IGF2BP1: variants seen among roughly 807,000 people sequenced by gnomAD.
IGF2BP1 encodes insulin like growth factor 2 mRNA binding protein 1.
In IGF2BP1, 11 loss-of-function variants were observed where a neutral mutation model predicts 74.9. That is an observed-to-expected ratio of 0.15 (90% confidence interval 0.09 to 0.24). The LOEUF is 0.24. Ranked by LOEUF, IGF2BP1 falls within the 10% of genes least tolerant of loss-of-function variation. The pLI, the probability that IGF2BP1 is intolerant of heterozygous loss-of-function variation, is 1.00. For missense variants in IGF2BP1, 440 were observed against 757.4 expected (o/e 0.58, Z 4.92); for synonymous variants, 287 against 281.8 (o/e 1.02, Z -0.18).
intron 5 of IGF2BP1, 31 bp downstream of exon 5, chr17:49,032,004 G>A (rs763860913): frequency 7.8e-6 from 12 of 1,534,176 alleles, no homozygotes; most frequent in South Asian, 2.2e-5. Flanking sequence ...GGCTGGGTGC[G>A]GTGGGGGGGG....
intron 2 of IGF2BP1, among the ~76,000 whole-genome samples, chr17:49,002,555 A>G (rs2041499470): frequency 6.6e-6 from 1 of 152,156 alleles, no homozygotes; most frequent in Non-Finnish European, 1.5e-5. Context: ...GGTTGTAATT[A>G]TGAATTAGTA....
chr17:49,020,233 A>G lies in IGF2BP1; in HGVS notation c.237-5385A>G, dbSNP rs11658599. 3.1e-3 allele frequency among the ~76,000 whole-genome samples: 465 copies of G among 151,822 alleles called. 6 individuals carry two copies. The East Asian group carries it at 0.07, about 23-fold the overall frequency. ...TAATTTTTGTATTTTTAGTAGAGAC[A>G]AGGTTTCACCATGTTGGCCAGGCTG... On this transcript the variant is annotated intron_variant, in intron 2 of 14. Transcript: ENST00000290341.
chr17:49,039,657 C>T (rs2042028103), intron 6 of IGF2BP1, among the ~76,000 whole-genome samples: 1 of 151,908 alleles, frequency 6.6e-6, no homozygotes, highest in Non-Finnish European at 1.5e-5. Flanking sequence ...AAACTCCTGG[C>T]CTCAAGTAAC....
At chr17:49,015,193 G>T (rs1486579030) in intron 2 of IGF2BP1, among the ~76,000 whole-genome samples, 1 of 152,098 alleles carries the variant, frequency 6.6e-6, no homozygotes, top group Non-Finnish European at 1.5e-5. Context: ...GGCTGGTCTC[G>T]AACTTCTGAC....
chr17:48,998,182 C>T (rs2041432466), intron 1 of IGF2BP1, among the ~76,000 whole-genome samples: 1 of 152,156 alleles, frequency 6.6e-6, no homozygotes, highest in Non-Finnish European at 1.5e-5. Flanking sequence ...CCTTCCTCCC[C>T]ACCGACGGGG....
In IGF2BP1 at chr17:49,046,120, T is replaced by G; in HGVS notation, c.1527+99T>G. The G allele has an allele frequency of 3.3e-6, 5 of 1,503,798 alleles. No individual in the cohort carries two copies. The South Asian group carries it at 6.0e-5, about 18-fold the overall frequency. The allele number at this position is 1,503,798 out of a possible 1,614,324, so 93.2% of individuals were successfully genotyped here. On this transcript the variant is annotated intron_variant, in intron 13 of 14. Coordinates refer to ENST00000290341, the MANE Select transcript of IGF2BP1 (RefSeq NM_006546.4). ...ACTGCTCAACCTCAGGACTCCTGAT[T>G]TGCTCATTTACTTGATTCTACTCCC...
Position 49,014,786 on chromosome 17 carries a change from A to G in IGF2BP1, c.237-10832A>G, listed in dbSNP as rs148189656. Reference sequence around the variant, plus strand: ...TTGCCCATCGTCATCAGGGGGCACTAAGGACCCCGAGGAGCACGGGGATGT... The same window carrying G: ...TTGCCCATCGTCATCAGGGGGCACTGAGGACCCCGAGGAGCACGGGGATGT... On this transcript the variant is annotated intron_variant, in intron 2 of 14. Coordinates refer to ENST00000290341, the MANE Select transcript of IGF2BP1 (RefSeq NM_006546.4). 469 of 985,320 alleles carry G rather than the reference A, an allele frequency of 4.8e-4. 1 individual carries two copies. The African/African-American group carries it at 7.6e-3, about 16-fold the overall frequency. 61.0% of individuals were successfully genotyped at this position (985,320 alleles called of 1,614,324 possible). A position where few individuals can be genotyped will look rare whatever the true frequency, so the allele number is the denominator to read the frequency against.
upstream of IGF2BP1, among the ~76,000 whole-genome samples, chr17:48,996,842 G>C (rs2041406158): frequency 6.6e-6 from 1 of 152,078 alleles, no homozygotes; most frequent in Admixed American, 6.5e-5. Context: ...GGGGAGTTTC[G>C]TGGGGCTGGC....
rs1015642018 is a variant in IGF2BP1 at position 49,055,473 on chromosome 17, G to C, written c.*6029G>C. ...CCAATAAGCTCCCCCAGGAATAAAG[G>C]CTTTGTTTTGGGGATGCTTAAATCT... On this transcript the variant is annotated 3_prime_UTR_variant, in exon 15 of 15. Coordinates refer to ENST00000290341, the MANE Select transcript of IGF2BP1 (RefSeq NM_006546.4). 1 of 388,742 alleles carries C rather than the reference G, an allele frequency of 2.6e-6. No homozygotes were observed. Among genetic ancestry groups the C allele is most frequent in the Non-Finnish European group, 4.5e-6 (1 of 220,462 alleles). The allele number at this position is 388,742 out of a possible 1,614,324, so 24.1% of individuals were successfully genotyped here. A position where few individuals can be genotyped will look rare whatever the true frequency, so the allele number is the denominator to read the frequency against.
intron 12 of IGF2BP1, among the ~76,000 whole-genome samples, chr17:49,045,580 T>C (rs4410130): frequency 0.54 from 82,733 of 152,084 alleles, 23,444 homozygotes; most frequent in African/African-American, 0.69. Flanking sequence ...CACGTCCAGA[T>C]TCCATAGGTC....
intron 4 of IGF2BP1, among the ~76,000 whole-genome samples, chr17:49,027,468 T>G (rs954481594): frequency 3.9e-5 from 6 of 152,160 alleles, no homozygotes; most frequent in African/African-American, 1.4e-4. Flanking sequence ...AGCAGAGGAT[T>G]TATTACTTAG....
Position 49,054,074 on chromosome 17 carries a change from T to C in IGF2BP1, c.*4630T>C, listed in dbSNP as rs994443819. 9 of 152,788 alleles carry C rather than the reference T, an allele frequency of 5.9e-5. No homozygotes were observed. The highest frequency in any genetic ancestry group is 4.6e-4 in the Admixed American group (7 of 15,308). The allele number at this position is 152,788 out of a possible 1,614,324, so 9.5% of individuals were successfully genotyped here. A position where few individuals can be genotyped will look rare whatever the true frequency, so the allele number is the denominator to read the frequency against. ...ACTTAGAGTAACACCAGCTGAAAAC[T>C]GCAGTTTCTTTCCTTTGGATACATA... On this transcript the variant is annotated 3_prime_UTR_variant, in exon 15 of 15. Transcript: ENST00000290341.
rs1216665744 is a variant in IGF2BP1 at position 49,025,515 on chromosome 17, A to AAGGGGAAATAGC, written c.237-100_237-99insGGAAATAGCAGG. ...TTAAGACTATGGTGTTGGTGAGCAG[A>AAGGGGAAATAGC]AGGTGGGGAAATAGAAACTGGGGCA... On this transcript the variant is annotated intron_variant, in intron 2 of 14. Coordinates refer to ENST00000290341, the MANE Select transcript of IGF2BP1 (RefSeq NM_006546.4). 8 of 948,326 alleles carry AAGGGGAAATAGC rather than the reference A, an allele frequency of 8.4e-6. No individual in the cohort carries two copies. In the East Asian group the frequency reaches 2.1e-4, roughly 25 times the overall value. 58.7% of individuals were successfully genotyped at this position (948,326 alleles called of 1,614,324 possible). A position where few individuals can be genotyped will look rare whatever the true frequency, so the allele number is the denominator to read the frequency against.
At chr17:49,041,790 A>G (rs2042055419) in intron 8 of IGF2BP1, among the ~76,000 whole-genome samples, 2 of 152,172 alleles carry the variant, frequency 1.3e-5, no homozygotes, top group Admixed American at 1.3e-4. Flanking sequence ...GCCTGCAGCT[A>G]GGAGCCAGGG....
chr17:48,997,889 C>T lies in IGF2BP1; in HGVS notation c.144C>T (p.His48=), dbSNP rs2041427520. ...CCTTCGTGGACTGCCCGGACGAGCA[C>T]TGGGCGATGAAGGCCATCGAAACTT... The part of the protein sequence containing the change: ...GYAFVDCPDE[H]WAMKAIETFS... The change falls in exon 1 of 15, where the codon CAC becomes CAT. Residue 48 remains histidine, a synonymous_variant. Transcript: ENST00000290341. This position sits in a 1 kb window ranked among gnomAD's most constrained non-coding sequence, Gnocchi z 4.8. The T allele has an allele frequency of 6.2e-7, 1 of 1,613,938 alleles. No individual in the cohort carries two copies.
rs1475900135 is a variant in IGF2BP1, at chr17:49,043,990, G to T, written c.1224G>T (p.Val408=). 2 of 1,614,066 alleles carry T rather than the reference G, an allele frequency of 1.2e-6. No homozygotes were observed. Among genetic ancestry groups the T allele is most frequent in the Non-Finnish European group, 1.7e-6 (2 of 1,180,020 alleles). ...SFMQAPEQEM[V]QVFIPAQAVG... is the part of the protein sequence containing the mutation. ...AGCAGGCTCCCGAGCAGGAGATGGT[G>T]CAGGTGTTTATCCCCGCCCAGGCAG... Residue 408 remains valine, a synonymous_variant, in exon 11 of 15, where the codon GTG becomes GTT. Transcript: ENST00000290341.
chr17:49,001,124 A>G lies in IGF2BP1; in HGVS notation c.236+1955A>G, dbSNP rs1254431026. 4.6e-5 allele frequency among the ~76,000 whole-genome samples: 7 copies of G among 152,078 alleles called. 1 individual carries two copies. Among genetic ancestry groups the G allele is most frequent in the African/African-American group, 1.7e-4 (7 of 41,442 alleles). On this transcript the variant is annotated intron_variant, in intron 2 of 14. Transcript: ENST00000290341. ...ATCAATTTTTGAAGTCTCAAGATTT[A>G]AAAAAGAAAGTTTGTTTTCATTAAG...
rs1223216523 is a variant in IGF2BP1 at position 49,055,624 on chromosome 17, A to G, written c.*6180A>G. 2.5e-6 allele frequency: 1 copy of G among 398,470 alleles called. No homozygotes were observed. Among genetic ancestry groups the G allele is most frequent in the Non-Finnish European group, 4.4e-6 (1 of 226,066 alleles). 24.7% of individuals were successfully genotyped at this position (398,470 alleles called of 1,614,324 possible). ...ATTTCAGCAGATTATGTGTTACCATAATGAATAAACGTCCTCTATCACCAT... is the reference window on the plus strand; with the variant it reads ...ATTTCAGCAGATTATGTGTTACCATGATGAATAAACGTCCTCTATCACCAT... On this transcript the variant is annotated 3_prime_UTR_variant, in exon 15 of 15. Coordinates refer to ENST00000290341, the MANE Select transcript of IGF2BP1 (RefSeq NM_006546.4).
At position 49,055,167 on chromosome 17, in the gene IGF2BP1, A is replaced by AAG. The variant is rs2042212751; in HGVS notation, c.*5724_*5725insGA. ...TAAAAAAAAAAAAACCAAAAAAAAA[A>AAG]ATTTTTTTTTAAAAGGGAGACATTT... On this transcript the variant is annotated 3_prime_UTR_variant, in exon 15 of 15. Coordinates refer to ENST00000290341, the MANE Select transcript of IGF2BP1 (RefSeq NM_006546.4). 1 of 151,612 alleles carries AAG rather than the reference A, an allele frequency of 6.6e-6. No individual in the cohort carries two copies. Among genetic ancestry groups the AAG allele is most frequent in the African/African-American group, 2.4e-5 (1 of 40,968 alleles). The allele number at this position is 151,612 out of a possible 1,614,324, so 9.4% of individuals were successfully genotyped here.
Sources: gnomAD v4.1 joint callset for allele counts (sites outside exome capture counted in the v4.1 genomes callset) on GRCh38, gnomAD v4.1.1 for gene constraint, Gnocchi (gnomAD v3.1) non-coding constraint, MANE v1.5 for transcripts, NCBI Gene and HGNC (gene_info 2026-07-23, HGNC 2026-07-21) for gene names.